Variants in COBL observed in about 807,000 individuals in gnomAD.
COBL encodes cordon-bleu WH2 repeat protein.
A neutral mutation model predicts 98.8 loss-of-function variants in COBL; 51 were observed. The ratio of observed to expected loss-of-function variants is 0.52; its 90% CI spans 0.41 to 0.65. COBL has a LOEUF of 0.65. COBL is among the 30% of genes least tolerant of loss of function. The pLI is 0.00. For missense variants in COBL, 1,617 were observed against 1,617.5 expected (o/e 1.00, Z 0.01); for synonymous variants, 634 against 651.7 (o/e 0.97, Z 0.41).
chr7:51,288,450 AAAC>A (rs1284775447), intron 1 of COBL, among the ~76,000 whole-genome samples: 2 of 147,930 alleles, frequency 1.4e-5, no homozygotes, highest in African/African-American at 5.0e-5. Context: ...AAGAAAGAAA[AAAC>A]AACAATAATG....
intron 5 of COBL, among the ~76,000 whole-genome samples, chr7:51,177,966 T>C (rs1402398356): frequency 6.6e-6 from 1 of 151,940 alleles, no homozygotes; most frequent in Admixed American, 6.6e-5. Flanking sequence ...GCCAATATGG[T>C]GAAACCCGGT....
intron 2 of COBL, among the ~76,000 whole-genome samples, chr7:51,207,032 CACAT>C (rs1791799076): frequency 6.6e-6 from 1 of 152,178 alleles, no homozygotes; most frequent in African/African-American, 2.4e-5. Flanking sequence ...TACACACACA[CACAT>C]ACACACACAA....
At chr7:51,310,543 T>C (rs972776482) in intron 1 of COBL, among the ~76,000 whole-genome samples, 1 of 152,160 alleles carries the variant, frequency 6.6e-6, no homozygotes, top group Admixed American at 6.5e-5. Context: ...TGGCTCCCCA[T>C]GGGGATTCAG....
chr7:51,042,965 C>T (rs1021482140), intron 8 of COBL, among the ~76,000 whole-genome samples: 1 of 152,182 alleles, frequency 6.6e-6, no homozygotes, highest in East Asian at 1.9e-4. Context: ...CTGTCACTTT[C>T]CTCTTCTAGA....
intron 5 of COBL, among the ~76,000 whole-genome samples, chr7:51,174,184 T>G (rs1788142956): frequency 6.6e-6 from 1 of 152,176 alleles, no homozygotes; most frequent in Non-Finnish European, 1.5e-5. Flanking sequence ...AAGACAGGCT[T>G]GGGTTTGAAT....
At chr7:51,115,941 A>G (rs1797236357) in intron 6 of COBL, among the ~76,000 whole-genome samples, 1 of 152,044 alleles carries the variant, frequency 6.6e-6, no homozygotes, top group Admixed American at 6.5e-5. Flanking sequence ...TTCCTGATGT[A>G]TTGATTCTTT....
At chr7:51,193,253 G>A (rs1790284271) in intron 3 of COBL, 126 bp downstream of exon 3, 2 of 763,896 alleles carry the variant, frequency 2.6e-6, no homozygotes, top group South Asian at 3.7e-5. Context: ...GCTTTGCCTG[G>A]CATGAAAGTA....
chr7:51,208,400 C>T (rs1192490495), intron 2 of COBL, among the ~76,000 whole-genome samples: 2 of 134,176 alleles, frequency 1.5e-5, no homozygotes, highest in Non-Finnish European at 3.5e-5. Context: ...GGGGGTCAGC[C>T]CCCCGCCCGG....
intron 1 of COBL, among the ~76,000 whole-genome samples, chr7:51,312,740 T>C (rs1403861189): frequency 6.6e-6 from 1 of 152,150 alleles, no homozygotes; most frequent in Non-Finnish European, 1.5e-5. Flanking sequence ...CACTCAATAA[T>C]AATCCACTCC....
chr7:51,222,855 A>G (rs1584229161), intron 1 of COBL, among the ~76,000 whole-genome samples: 1 of 152,196 alleles, frequency 6.6e-6, no homozygotes, highest in South Asian at 2.1e-4. Context: ...TGGGAGTGAG[A>G]GGCTGGAGAG....
At chr7:51,135,860 T>C (rs4947575) in intron 6 of COBL, among the ~76,000 whole-genome samples, 24,215 of 152,176 alleles carry the variant, frequency 0.16, 2,737 homozygotes, top group African/African-American at 0.31. Flanking sequence ...GGAAGAAGAC[T>C]GCATCCTTAT....
intron 1 of COBL, chr7:51,259,435 C>A: frequency 2.0e-6 from 1 of 495,180 alleles, no homozygotes; most frequent in South Asian, 2.1e-5. Flanking sequence ...GGGTCTAGTT[C>A]AGCTGGTGGA....
intron 6 of COBL, among the ~76,000 whole-genome samples, chr7:51,111,618 C>A (rs1012397366): frequency 6.6e-6 from 1 of 152,184 alleles, no homozygotes; most frequent in Admixed American, 6.5e-5. Flanking sequence ...ATCCATCCTT[C>A]AAGGCCCATC....
At chr7:51,107,143 G>A (rs1289113394) in intron 6 of COBL, among the ~76,000 whole-genome samples, 3 of 135,352 alleles carry the variant, frequency 2.2e-5, no homozygotes, top group Non-Finnish European at 4.6e-5. Context: ...CACCCAGGCT[G>A]GACTGCAGTG....
chr7:51,136,260 C>G lies in COBL; in HGVS notation c.855G>C (p.Leu285=). ...TCACGGACACCCCTGAGATGCTGCC[C>G]AGCGAGAGGGATGGACCCAGCGTAA... ...RSLTLGPSLS[L]GSISGVSVKS... The change falls in exon 6 of 13, where the codon CTG becomes CTC. Residue 285 remains leucine (L), a synonymous_variant. Transcript: ENST00000265136. 2 of 1,614,008 alleles carry G rather than the reference C, an allele frequency of 1.2e-6. No homozygotes were observed. Among genetic ancestry groups the G allele is most frequent in the Non-Finnish European group, 1.7e-6 (2 of 1,180,032 alleles).
At chr7:51,312,626 T>C (rs1290333213) in intron 1 of COBL, among the ~76,000 whole-genome samples, 2 of 152,204 alleles carry the variant, frequency 1.3e-5, no homozygotes, top group Non-Finnish European at 2.9e-5. Flanking sequence ...AGCACTTGCG[T>C]GGACACAGAT....
At chr7:51,294,643 C>CA (rs3047621) in intron 1 of COBL, among the ~76,000 whole-genome samples, 10,048 of 80,138 alleles carry the variant, frequency 0.13, 1,375 homozygotes, top group African/African-American at 0.36. Flanking sequence ...AACTCCATCT[C>CA]AAAAAAAAAA....
chr7:51,171,760 T>C (rs1049760885), intron 5 of COBL, among the ~76,000 whole-genome samples: 46 of 152,280 alleles, frequency 3.0e-4, no homozygotes, highest in African/African-American at 1.1e-3. Context: ...TTTTATAACA[T>C]ATTTTACTTA....
rs1787734216 is a variant in COBL at position 51,027,932 on chromosome 7, C to A, written c.3164G>T (p.Gly1055Val). 3.1e-6 allele frequency: 5 copies of A among 1,613,250 alleles called. No homozygotes were observed. Among genetic ancestry groups the A allele is most frequent in the Non-Finnish European group, 4.2e-6 (5 of 1,179,570 alleles). Residue 1055 changes from glycine to valine, a missense_variant, in exon 10 of 13, where the codon GGG becomes GTG. Around this residue, in one of 3 missense-constraint regions of COBL, gnomAD observed 1,304 missense variants for 1,282.0 expected, o/e 1.02. Transcript: ENST00000265136. ...GAGAATGTGGCTTTCTGTGCCAGAC[C>A]CTCCTGGAGGGTGGGAAGGCTCGCC... ...GHGEPSHPPG[G>V]SGTESHILLE...
Sources: allele counts gnomAD v4.1 joint callset (sites outside exome capture counted in the v4.1 genomes callset), GRCh38; gene constraint gnomAD v4.1.1; regional missense constraint gnomAD v4.1.1; transcripts MANE v1.5; gene names NCBI Gene and HGNC (gene_info 2026-07-23, HGNC 2026-07-21).